The following CYP4F22 variants were observed in gnomAD, a reference collection of about 807,000 sequenced individuals.
CYP4F22 encodes the protein cytochrome P450 family 4 subfamily F member 22, also known as ultra-long-chain fatty acid omega-hydroxylase.
In CYP4F22, 37 loss-of-function variants were observed where a neutral mutation model predicts 60.4. That is an observed-to-expected ratio of 0.61 (90% CI 0.47 to 0.81). The LOEUF is 0.81. Among genes scored for constraint, CYP4F22 ranks in the 30% least tolerant of loss-of-function variants. CYP4F22 has a pLI of 0.00. For synonymous variants in CYP4F22, 258 were observed against 280.5 expected (o/e 0.92, Z 0.80); for missense variants, 655 against 715.0 (o/e 0.92, Z 0.96).
At chr19:15,541,620 C>T (rs1376124369) in intron 8 of CYP4F22, among the ~76,000 whole-genome samples, 5 of 151,980 alleles carry the variant, frequency 3.3e-5, no homozygotes, top group African/African-American at 1.2e-4. Flanking sequence ...GTGGCTCATA[C>T]CTGTAATCCC....
At position 15,551,514 on chromosome 19, in the gene CYP4F22, C is replaced by T. The variant is rs563508697; in HGVS notation, c.*43C>T. 2.6e-6 allele frequency: 4 copies of T among 1,538,606 alleles called. No individual in the cohort carries two copies. In the African/African-American group the frequency reaches 5.5e-5, roughly 21 times the overall value. ...CGGCTCCCGAGGGTCCAGGCCCCGC[C>T]CCCAAAGGACCAGGACTCGCCCCAA... On this transcript the variant is annotated 3_prime_UTR_variant, in exon 14 of 14. Transcript: ENST00000269703.
intron 1 of CYP4F22, among the ~76,000 whole-genome samples, chr19:15,517,651 T>A (rs767967132): frequency 7.2e-5 from 11 of 152,230 alleles, no homozygotes; most frequent in Non-Finnish European, 1.6e-4. Context: ...TTGGGGGCTC[T>A]AGCTGTGATT....
chr19:15,512,550 C>G (rs1053197848), intron 1 of CYP4F22, among the ~76,000 whole-genome samples: 3 of 152,136 alleles, frequency 2.0e-5, no homozygotes, highest in Admixed American at 6.6e-5. Flanking sequence ...AAGTGATCCT[C>G]CCTCCTCAGC....
At chr19:15,521,713 C>T (rs557067337) in intron 1 of CYP4F22, among the ~76,000 whole-genome samples, 1 of 152,290 alleles carries the variant, frequency 6.6e-6, no homozygotes, top group African/African-American at 2.4e-5. Context: ...CTATGTCACC[C>T]AGGCTGGGGT....
At chr19:15,542,796 C>T (rs907703539) in intron 8 of CYP4F22, among the ~76,000 whole-genome samples, 15 of 152,080 alleles carry the variant, frequency 9.9e-5, no homozygotes, top group African/African-American at 3.6e-4. Flanking sequence ...TAAGTGGGAA[C>T]ATGTGGTGTT....
At chr19:15,540,824 C>G in intron 8 of CYP4F22, 107 bp downstream of exon 8, 1 of 1,416,942 alleles carries the variant, frequency 7.1e-7, no homozygotes, top group South Asian at 1.2e-5. Flanking sequence ...GTGGCTCACA[C>G]GTGTAATCCC....
intron 4 of CYP4F22, among the ~76,000 whole-genome samples, chr19:15,531,442 C>T (rs1411249175): frequency 1.3e-5 from 2 of 151,398 alleles, no homozygotes; most frequent in African/African-American, 2.4e-5. Context: ...CCCAGCTTTG[C>T]CTCTACAAAC....
In CYP4F22 at chr19:15,536,960, A is replaced by G. The variant is rs144486763; in HGVS notation, c.368-401A>G. Reference sequence around the variant, plus strand: ...TGAATACAGTGGGAGGTTGGAGCCCAGTGAGGAGGACTAAGGAAGTCATAA... The same window carrying G: ...TGAATACAGTGGGAGGTTGGAGCCCGGTGAGGAGGACTAAGGAAGTCATAA... On this transcript the variant is annotated intron_variant, in intron 4 of 13. Transcript: ENST00000269703. Among the ~76,000 whole-genome samples, 21 of 152,260 alleles carry G rather than the reference A, an allele frequency of 1.4e-4. No homozygotes were observed. In the East Asian group the frequency reaches 3.9e-3, roughly 28 times the overall value.
At chr19:15,522,037 C>T (rs889395171) in intron 1 of CYP4F22, among the ~76,000 whole-genome samples, 2 of 149,828 alleles carry the variant, frequency 1.3e-5, no homozygotes, top group African/African-American at 2.5e-5. Flanking sequence ...CCAAGCTACT[C>T]GGTAGGCTGA....
intron 2 of CYP4F22, 44 bp from the exon 3 acceptor site, chr19:15,525,292 C>T (rs8100477): frequency 2.3e-5 from 37 of 1,583,932 alleles, no homozygotes; most frequent in Middle Eastern, 1.7e-4. Context: ...CATGGGTCAT[C>T]GTCTTGTGCA....
chr19:15,538,674 C>T (rs1971426826), intron 7 of CYP4F22, among the ~76,000 whole-genome samples: 2 of 152,210 alleles, frequency 1.3e-5, no homozygotes, highest in East Asian at 3.9e-4. Context: ...CATAGTAGGT[C>T]CTCAGTAACA....
rs1451612647 is a variant in CYP4F22, at chr19:15,523,809, TAA to T, written c.-2+12_-2+13del. On this transcript the variant is annotated intron_variant, in intron 2 of 13. Coordinates refer to ENST00000269703, the MANE Select transcript of CYP4F22 (RefSeq NM_173483.4). Reference sequence around the variant, plus strand: ...AAAGAATTGAAAACAGGTACTCAGATAAATACATGTACACACATGTTCAGAGT... The same window carrying T: ...AAAGAATTGAAAACAGGTACTCAGATATACATGTACACACATGTTCAGAGT... 3 of 152,160 alleles carry T rather than the reference TAA, an allele frequency of 2.0e-5. No individual in the cohort carries two copies. The highest frequency in any genetic ancestry group is 7.2e-5 in the African/African-American group (3 of 41,426). 9.4% of individuals were successfully genotyped at this position (152,160 alleles called of 1,614,324 possible). A position where few individuals can be genotyped will look rare whatever the true frequency, so the allele number is the denominator to read the frequency against.
chr19:15,537,731 A>C, intron 6 of CYP4F22, 69 bp downstream of exon 6: 9 of 1,607,254 alleles, frequency 5.6e-6, no homozygotes, highest in Non-Finnish European at 7.6e-6. Flanking sequence ...CAACTCATGC[A>C]TGGGCAAGCC....
In CYP4F22 at chr19:15,551,195, G is replaced by A; in HGVS notation, c.1419-99G>A. ...GGGGTTTCACTTTAACCCTCAGCCA[G>A]CCCAGGATGCTTGCTTCATTTTCAA... On this transcript the variant is annotated intron_variant, in intron 13 of 13. Coordinates refer to ENST00000269703, the MANE Select transcript of CYP4F22 (RefSeq NM_173483.4). 10 of 1,489,386 alleles carry A rather than the reference G, an allele frequency of 6.7e-6. No individual in the cohort carries two copies. The South Asian group carries it at 9.7e-5, about 14-fold the overall frequency. The allele number at this position is 1,489,386 out of a possible 1,614,324, so 92.3% of individuals were successfully genotyped here.
chr19:15,531,473 C>T (rs532763500), intron 4 of CYP4F22, among the ~76,000 whole-genome samples: 1 of 152,184 alleles, frequency 6.6e-6, no homozygotes, highest in South Asian at 2.1e-4. Flanking sequence ...GGACCATCTC[C>T]AGGGCTGCCA....
intron 4 of CYP4F22, 92 bp from the exon 5 acceptor site, chr19:15,537,269 C>T: frequency 6.4e-7 from 1 of 1,554,588 alleles, no homozygotes; most frequent in Non-Finnish European, 8.8e-7. Flanking sequence ...CCACTGCACT[C>T]CAGCCTGGAT....
At chr19:15,524,738 A>G (rs997972255) in intron 2 of CYP4F22, among the ~76,000 whole-genome samples, 1 of 152,204 alleles carries the variant, frequency 6.6e-6, no homozygotes, top group African/African-American at 2.4e-5. Flanking sequence ...AACTAGATGG[A>G]GGTGGTAGTT....
Position 15,544,171 on chromosome 19 carries a change from G to C in CYP4F22, c.1028G>C (p.Gly343Ala), listed in dbSNP as rs1355267943. ...GCAGGTCACGACACAACATCCAGTGGGATCTCTTGGATGCTGTTCAATTTG... is the reference window on the plus strand; with the variant it reads ...GCAGGTCACGACACAACATCCAGTGCGATCTCTTGGATGCTGTTCAATTTG... ...MFEGHDTTSSGISWMLFNLAK... is the reference protein window; with the variant it reads ...MFEGHDTTSSAISWMLFNLAK... The change falls in exon 10 of 14, where the codon GGG becomes GCG. Residue 343 changes from glycine to alanine, a missense_variant. Coordinates refer to ENST00000269703, the MANE Select transcript of CYP4F22 (RefSeq NM_173483.4). 1.9e-6 allele frequency: 3 copies of C among 1,614,030 alleles called. No homozygotes were observed. In the South Asian group the frequency reaches 3.3e-5, roughly 18 times the overall value.
chr19:15,537,293 T>C, intron 4 of CYP4F22, 68 bp from the exon 5 acceptor site: 1 of 1,593,876 alleles, frequency 6.3e-7, no homozygotes, highest in Non-Finnish European at 8.6e-7. Flanking sequence ...AGAGCAAGAC[T>C]CCGTAAAAAA....
Sources: allele counts gnomAD v4.1 joint callset (sites outside exome capture counted in the v4.1 genomes callset), GRCh38; gene constraint gnomAD v4.1.1; transcripts MANE v1.5; gene names NCBI Gene and HGNC (gene_info 2026-07-23, HGNC 2026-07-21).